TEF: variants seen among roughly 807,000 people sequenced by gnomAD.
TEF encodes TEF transcription factor, PAR bZIP family member, also known as thyrotroph embryonic factor.
In TEF, 3 loss-of-function variants were observed where a neutral mutation model predicts 20.8. The observed-to-expected ratio is 0.14, with a 90% CI of 0.07 to 0.37. TEF has a LOEUF of 0.37. TEF is among the 10% of genes least tolerant of loss of function. The probability of loss-of-function intolerance (pLI) is 1.00; values close to 1 mark genes in which losing one functional copy is unlikely to be tolerated. For missense variants in TEF, 296 were observed against 397.9 expected, an observed-to-expected ratio of 0.74 and a Z score of 2.18; for synonymous variants, 180 against 171.1, an observed-to-expected ratio of 1.05 and a Z score of -0.41.
upstream of TEF, among the ~76,000 whole-genome samples, chr22:41,379,708 T>C (rs1242520936): frequency 2.6e-5 from 4 of 151,074 alleles, no homozygotes; most frequent in Admixed American, 6.6e-5. Context: ...CTACCAAAAA[T>C]ACAAAATTAA....
upstream of TEF, among the ~76,000 whole-genome samples, chr22:41,378,988 GA>G (rs2036980949): frequency 6.6e-6 from 1 of 152,216 alleles, no homozygotes; most frequent in Non-Finnish European, 1.5e-5. Context: ...GTAAAATTAT[GA>G]AAACTAAATT....
chr22:41,381,987 G>T lies in TEF; in HGVS notation c.-58G>T. ...CAGCTGCAGCGGGTCGCACGGCTCC[G>T]GCCCATCTCGGGGGGCGGGCGGGGG... On this transcript the variant is annotated 5_prime_UTR_variant, in exon 1 of 4. Coordinates refer to ENST00000266304, the MANE Select transcript of TEF (RefSeq NM_003216.4). 1 of 1,229,142 alleles carries T rather than the reference G, an allele frequency of 8.1e-7. No homozygotes were observed. Among genetic ancestry groups the T allele is most frequent in the South Asian group, 4.1e-5 (1 of 24,242 alleles). 76.1% of individuals were successfully genotyped at this position (1,229,142 alleles called of 1,614,324 possible). A position where few individuals can be genotyped will look rare whatever the true frequency, so the allele number is the denominator to read the frequency against.
chr22:41,388,608 C>A (rs2037128514), intron 2 of TEF, among the ~76,000 whole-genome samples: 1 of 152,132 alleles, frequency 6.6e-6, no homozygotes, highest in African/African-American at 2.4e-5. Context: ...AGCATTCCCA[C>A]CACCTGGCCA....
At chr22:41,393,499 G>A (rs930858466) in intron 2 of TEF, among the ~76,000 whole-genome samples, 2 of 152,202 alleles carry the variant, frequency 1.3e-5, no homozygotes, top group African/African-American at 2.4e-5. Context: ...GCTCATGCCT[G>A]TAATCCCAGC....
intron 2 of TEF, among the ~76,000 whole-genome samples, chr22:41,388,024 G>C (rs2037120742): frequency 9.5e-6 from 1 of 105,668 alleles, no homozygotes; most frequent in Non-Finnish European, 1.8e-5. Flanking sequence ...TTGAGAAGGA[G>C]TCTCGCTCTG....
upstream of TEF, among the ~76,000 whole-genome samples, chr22:41,377,914 C>A (rs148971561): frequency 6.6e-6 from 1 of 152,112 alleles, no homozygotes; most frequent in African/African-American, 2.4e-5. Context: ...AGGCATTATT[C>A]GTTTTGGATA....
upstream of TEF, among the ~76,000 whole-genome samples, chr22:41,380,870 C>G (rs1422044048): frequency 1.3e-5 from 2 of 152,112 alleles, no homozygotes; most frequent in Non-Finnish European, 1.5e-5. Context: ...TTTTTGTTTT[C>G]TAGGTAAAAG....
intron 1 of TEF, among the ~76,000 whole-genome samples, chr22:41,369,381 G>A (rs2036854460): frequency 1.3e-5 from 2 of 152,324 alleles, no homozygotes; most frequent in East Asian, 1.9e-4. Context: ...CAGCATGGCT[G>A]GGCAGGTCCA....
At chr22:41,384,403 A>G (rs975544134) in intron 1 of TEF, among the ~76,000 whole-genome samples, 2 of 152,042 alleles carry the variant, frequency 1.3e-5, no homozygotes, top group Non-Finnish European at 2.9e-5. Flanking sequence ...GTCCCCACTA[A>G]TTGATTAGTT....
chr22:41,372,089 G>A (rs114793895), intron 1 of TEF, among the ~76,000 whole-genome samples: 2,419 of 152,258 alleles, frequency 0.016, 66 homozygotes, highest in African/African-American at 0.054. Flanking sequence ...TGGGGAGAGG[G>A]CCTTCTATGT....
At chr22:41,371,769 G>A (rs2036885883) in intron 1 of TEF, among the ~76,000 whole-genome samples, 1 of 152,226 alleles carries the variant, frequency 6.6e-6, no homozygotes, top group South Asian at 2.1e-4. Flanking sequence ...ACACACGGCT[G>A]TCTCCTTGGA....
chr22:41,382,113 G>A lies in TEF; in HGVS notation c.69G>A (p.Gly23=), dbSNP rs912031229. ...AGGCAGGACCCGGTCCGGGGCCGGG[G>A]CGCGCAGCTGGGGAAAGGGGCCTGT... ...DPQAGPGPGP[G]RAAGERGLSG... is the part of the protein sequence containing the mutation. The change falls in exon 1 of 4, where the codon GGG becomes GGA. Residue 23 remains glycine (G), a synonymous_variant. Coordinates refer to ENST00000266304, the MANE Select transcript of TEF (RefSeq NM_003216.4). The A allele has an allele frequency of 1.1e-5, 13 of 1,233,644 alleles. No homozygotes were observed. The highest frequency in any genetic ancestry group is 4.2e-5 in the Admixed American group (1 of 23,850). The allele number at this position is 1,233,644 out of a possible 1,614,324, so 76.4% of individuals were successfully genotyped here. A position where few individuals can be genotyped will look rare whatever the true frequency, so the allele number is the denominator to read the frequency against.
intron 1 of TEF, chr22:41,369,024 G>A: frequency 3.1e-6 from 3 of 981,810 alleles, no homozygotes; most frequent in South Asian, 4.7e-5. Flanking sequence ...CCCCTCCTTG[G>A]TCCAGGAACC....
chr22:41,372,983 C>G (rs73885785), intron 1 of TEF, among the ~76,000 whole-genome samples: 2,639 of 152,202 alleles, frequency 0.017, 77 homozygotes, highest in African/African-American at 0.061. Context: ...AGAGGGGTAC[C>G]AGGTGAGGCT....
chr22:41,394,105 T>A lies in TEF; in HGVS notation c.485T>A (p.Leu162Gln), dbSNP rs1280659444. ...TCTCTGTGTCTTTTAGAATCTTCCC[T>A]GGAGAAGGAGAGGGAGACTCCCAGT... Reference protein sequence around the residue: ...SETVSSTESSLEKERETPSPI... With the variant: ...SETVSSTESSQEKERETPSPI... The change falls in exon 3 of 4, where the codon CTG (leucine) becomes CAG (glutamine). Residue 162 changes from leucine (L) to glutamine (Q), a missense_variant. Physicochemically the swap from Leu to Gln is moderately radical, Grantham distance 113 (BLOSUM62 -2). Around this residue, in one of 2 missense-constraint regions of TEF, gnomAD observed 194 missense variants for 317.8 expected, o/e 0.61. Transcript: ENST00000266304. The A allele has an allele frequency of 6.2e-7, 1 of 1,613,922 alleles. No individual in the cohort carries two copies. Among genetic ancestry groups the A allele is most frequent in the Non-Finnish European group, 8.5e-7 (1 of 1,179,982 alleles).
At chr22:41,373,044 G>A (rs1400140067) in intron 1 of TEF, among the ~76,000 whole-genome samples, 4 of 152,180 alleles carry the variant, frequency 2.6e-5, no homozygotes, top group Non-Finnish European at 4.4e-5. Context: ...TCATAAAGAG[G>A]AGTGACGCTC....
chr22:41,380,923 G>A (rs1257841497), upstream of TEF, among the ~76,000 whole-genome samples: 1 of 152,148 alleles, frequency 6.6e-6, no homozygotes, highest in Non-Finnish European at 1.5e-5. Flanking sequence ...CATCTGTTTG[G>A]GACTGTGGAG....
intron 2 of TEF, among the ~76,000 whole-genome samples, chr22:41,388,900 C>T (rs925371325): frequency 1.3e-5 from 2 of 151,810 alleles, no homozygotes; most frequent in Admixed American, 6.6e-5. Context: ...AAGTAAGAGA[C>T]GACTATAATG....
Position 41,382,081 on chromosome 22 carries a change from G to A in TEF, c.37G>A (p.Asp13Asn). The change falls in exon 1 of 4, where the codon GAC becomes AAC. Residue 13 changes from aspartate (D) to asparagine (N), a missense_variant. Physicochemically the swap from Asp to Asn is conservative, Grantham distance 23. Around this residue, in one of 2 missense-constraint regions of TEF, gnomAD observed 102 missense variants for 80.1 expected, o/e 1.27. Coordinates refer to ENST00000266304, the MANE Select transcript of TEF (RefSeq NM_003216.4). ...DAGGGKKPPV[D>N]PQAGPGPGPG... ...GGGCGGCGGAAAGAAGCCGCCTGTG[G>A]ACCCGCAGGCAGGACCCGGTCCGGG... 2 of 1,231,914 alleles carry A rather than the reference G, an allele frequency of 1.6e-6. No individual in the cohort carries two copies. Among genetic ancestry groups the A allele is most frequent in the Non-Finnish European group, 2.0e-6 (2 of 987,812 alleles). The allele number at this position is 1,231,914 out of a possible 1,614,324, so 76.3% of individuals were successfully genotyped here.
Sources: allele counts gnomAD v4.1 joint callset (sites outside exome capture counted in the v4.1 genomes callset), GRCh38; gene constraint gnomAD v4.1.1; regional missense constraint gnomAD v4.1.1; transcripts MANE v1.5; gene names NCBI Gene and HGNC (gene_info 2026-07-23, HGNC 2026-07-21).